Variants in ADGRV1 observed in about 807,000 individuals in gnomAD.
ADGRV1 encodes G-protein coupled receptor 98.
In ADGRV1, 359 loss-of-function variants were observed where a neutral mutation model predicts 596.2. The observed-to-expected ratio is 0.60, with a 90% CI of 0.55 to 0.66. The LOEUF (loss-of-function observed/expected upper bound fraction) is 0.66, where lower values mean the gene tolerates loss of function less well. Among genes scored for constraint, ADGRV1 ranks in the 30% least tolerant of loss-of-function variants. ADGRV1 has a pLI of 0.00. For missense variants in ADGRV1, 7,274 were observed against 7,575.6 expected (o/e 0.96, Z 1.48); for synonymous variants, 2,681 against 2,679.2 (o/e 1.00, Z -0.02).
chr5:90,922,979 A>G (rs932214123), intron 83 of ADGRV1, among the ~76,000 whole-genome samples: 5 of 152,120 alleles, frequency 3.3e-5, no homozygotes, highest in Admixed American at 2.6e-4. Context: ...TGCTAAATTT[A>G]TACTGAGGGA....
At chr5:90,712,719 A>C (rs1248209480) in intron 42 of ADGRV1, among the ~76,000 whole-genome samples, 1 of 152,050 alleles carries the variant, frequency 6.6e-6, no homozygotes. Context: ...TTCCTTTGGA[A>C]TTTGAATTTT....
At chr5:90,851,134 T>TGTGAGAGAGAGA (rs757909771) in intron 79 of ADGRV1, among the ~76,000 whole-genome samples, 7 of 81,508 alleles carry the variant, frequency 8.6e-5, no homozygotes, top group South Asian at 5.4e-4. Context: ...TGTGTGTGTG[T>TGTGAGAGAGAGA]GAGAGAGAGA....
At chr5:90,805,480 A>G (rs759567287) in intron 72 of ADGRV1, 22 bp downstream of exon 72, 1 of 1,555,132 alleles carries the variant, frequency 6.4e-7, no homozygotes, top group Non-Finnish European at 8.8e-7. Flanking sequence ...TTTTTCTAAG[A>G]TGAGTCCTGT....
chr5:90,978,969 G>A (rs1779858686), intron 84 of ADGRV1, among the ~76,000 whole-genome samples: 2 of 152,062 alleles, frequency 1.3e-5, no homozygotes, highest in South Asian at 4.1e-4. Context: ...GTTCACAATT[G>A]TTTTGGGTAT....
chr5:90,846,609 T>C (rs559783683), intron 78 of ADGRV1: 1 of 155,658 alleles, frequency 6.4e-6, no homozygotes, highest in South Asian at 2.0e-4. Flanking sequence ...GGTGAGTTTG[T>C]GGTCTTGCGG....
At chr5:90,740,223 C>T (rs1753790442) in intron 50 of ADGRV1, among the ~76,000 whole-genome samples, 1 of 152,002 alleles carries the variant, frequency 6.6e-6, no homozygotes, top group African/African-American at 2.4e-5. Context: ...CCTGCCCTTG[C>T]TTCTTGGCCT....
intron 77 of ADGRV1, among the ~76,000 whole-genome samples, chr5:90,839,335 G>A (rs914614519): frequency 4.6e-5 from 7 of 152,026 alleles, no homozygotes; most frequent in East Asian, 1.9e-4. Context: ...CTGCCGCAGC[G>A]TCCCCAGTAG....
chr5:91,100,962 A>G (rs1196679190), intron 86 of ADGRV1, among the ~76,000 whole-genome samples: 2 of 152,220 alleles, frequency 1.3e-5, no homozygotes, highest in African/African-American at 4.8e-5. Flanking sequence ...GGACACACAG[A>G]AGACCCATTT....
In ADGRV1 at chr5:90,980,279, T is replaced by G. The variant is rs139777021; in HGVS notation, c.17974-5065T>G. 2.1e-3 allele frequency among the ~76,000 whole-genome samples: 319 copies of G among 152,312 alleles called. 1 individual carries two copies. The highest frequency in any genetic ancestry group is 7.1e-3 in the African/African-American group (296 of 41,584). On this transcript the variant is annotated intron_variant, in intron 84 of 89. Coordinates refer to ENST00000405460, the MANE Select transcript of ADGRV1 (RefSeq NM_032119.4). ...TCACTGATTTTTAAGCTAAAAAAAT[T>G]TTCATTTAATTGTCTCTTTCCAACT...
At chr5:90,830,498 A>C (rs370210959) in intron 77 of ADGRV1, among the ~76,000 whole-genome samples, 25 of 152,158 alleles carry the variant, frequency 1.6e-4, no homozygotes, top group African/African-American at 5.8e-4. Context: ...GATTTGAGGC[A>C]CATCTTAAGC....
chr5:91,068,047 C>G (rs1418309734), intron 85 of ADGRV1, among the ~76,000 whole-genome samples: 1 of 152,060 alleles, frequency 6.6e-6, no homozygotes, highest in African/African-American at 2.4e-5. Flanking sequence ...TTCTAAAAGC[C>G]AAGAAATTTA....
intron 21 of ADGRV1, among the ~76,000 whole-genome samples, chr5:90,670,611 C>T (rs1209895901): frequency 6.6e-6 from 1 of 152,008 alleles, no homozygotes. Flanking sequence ...TCCTTTGTCA[C>T]CACAGTGCCA....
In ADGRV1 at chr5:90,658,367, T is replaced by C. The variant is rs11958484; in HGVS notation, c.4752+89T>C. ...TCGGCTTTCTTTCATTTGGTAAGAT[T>C]GGTTGCGCATCTACTCCAAGTCCAG... On this transcript the variant is annotated intron_variant, in intron 21 of 89. Coordinates refer to ENST00000405460, the MANE Select transcript of ADGRV1 (RefSeq NM_032119.4). 453,626 of 1,252,038 alleles carry C rather than the reference T, an allele frequency of 0.36. 83,282 individuals are homozygous for C. The highest frequency in any genetic ancestry group is 0.55 in the Admixed American group (20,889 of 38,312). 77.6% of individuals were successfully genotyped at this position (1,252,038 alleles called of 1,614,324 possible).
chr5:90,954,097 A>G (rs1320530158), intron 83 of ADGRV1, among the ~76,000 whole-genome samples: 1 of 152,004 alleles, frequency 6.6e-6, no homozygotes, highest in Non-Finnish European at 1.5e-5. Flanking sequence ...TTTAATGATA[A>G]CAAAATATAT....
chr5:90,803,273 T>G (rs1187512636), intron 71 of ADGRV1, among the ~76,000 whole-genome samples: 1 of 152,210 alleles, frequency 6.6e-6, no homozygotes, highest in East Asian at 1.9e-4. Context: ...ATGCTGATGG[T>G]CAGATCCTGT....
intron 86 of ADGRV1, among the ~76,000 whole-genome samples, chr5:91,099,291 T>C (rs367711881): frequency 6.6e-6 from 1 of 151,776 alleles, no homozygotes. Context: ...GTGTTCGGGT[T>C]CCCTTTCTCC....
chr5:90,594,685 T>C (rs1288591616), intron 1 of ADGRV1, among the ~76,000 whole-genome samples: 2 of 149,662 alleles, frequency 1.3e-5, no homozygotes, highest in Non-Finnish European at 2.9e-5. Context: ...TGGTGATGAC[T>C]CTTAATGAGC....
At chr5:90,767,342 A>G (rs1397232818) in intron 59 of ADGRV1, among the ~76,000 whole-genome samples, 1 of 152,234 alleles carries the variant, frequency 6.6e-6, no homozygotes, top group Non-Finnish European at 1.5e-5. Context: ...TTAAATTAAT[A>G]AAGATGAAAC....
At chr5:91,139,981 G>C (rs984892497) in intron 87 of ADGRV1, among the ~76,000 whole-genome samples, 4 of 152,092 alleles carry the variant, frequency 2.6e-5, no homozygotes, top group African/African-American at 7.2e-5. Flanking sequence ...TTACTTCACT[G>C]GTTCTTCTTC....
Sources: allele counts gnomAD v4.1 joint callset (sites outside exome capture counted in the v4.1 genomes callset), GRCh38; gene constraint gnomAD v4.1.1; transcripts MANE v1.5; gene names NCBI Gene and HGNC (gene_info 2026-07-23, HGNC 2026-07-21).